The following PPP2R5A variants were observed in gnomAD, a reference collection of about 807,000 sequenced individuals.
The protein encoded by PPP2R5A is serine/threonine-protein phosphatase 2A 56 kDa regulatory subunit alpha isoform.
Under a neutral mutation model 64.2 loss-of-function variants are expected in PPP2R5A, and 25 were observed. That is an observed-to-expected ratio of 0.39 (90% confidence interval 0.28 to 0.54). PPP2R5A has a LOEUF of 0.54. Among genes scored for constraint, PPP2R5A ranks in the 20% least tolerant of loss-of-function variants. The pLI, the probability that PPP2R5A is intolerant of heterozygous loss-of-function variation, is 0.67. For synonymous variants in PPP2R5A, 198 were observed against 201.2 expected, an observed-to-expected ratio of 0.98 and a Z score of 0.13; for missense variants, 425 against 576.3, an observed-to-expected ratio of 0.74 and a Z score of 2.69.
In PPP2R5A at chr1:212,360,742, G is replaced by A. The variant is rs767872976; in HGVS notation, c.1433G>A (p.Ser478Asn). 6.3e-6 allele frequency: 10 copies of A among 1,576,204 alleles called. No individual in the cohort carries two copies. Among genetic ancestry groups the A allele is most frequent in the Admixed American group, 5.9e-5 (3 of 51,204 alleles). ...CAGAATAGTGCTTACAACATGCACA[G>A]TATTCTCAGCAATACAAGTGCCGAA... ...EKQNSAYNMH[S>N]ILSNTSAE Residue 478 changes from serine to asparagine, a missense_variant, in exon 13 of 13, where the codon AGT (serine) becomes AAT (asparagine). By Grantham distance (46) the Ser-to-Asn change is conservative. Around this residue, in one of 4 missense-constraint regions of PPP2R5A, gnomAD observed 177 missense variants for 244.8 expected, o/e 0.72. Transcript: ENST00000261461.
rs1475315719 is a variant in PPP2R5A, at chr1:212,329,184, G to T, written c.231G>T (p.Gln77His). 4 of 1,590,814 alleles carry T rather than the reference G, an allele frequency of 2.5e-6. No individual in the cohort carries two copies. Among genetic ancestry groups the T allele is most frequent in the Non-Finnish European group, 3.4e-6 (4 of 1,170,172 alleles). Residue 77 changes from glutamine to histidine, a missense_variant, in exon 2 of 13, where the codon CAG becomes CAT. Around this residue, in one of 4 missense-constraint regions of PPP2R5A, gnomAD observed 140 missense variants for 204.4 expected, o/e 0.68. Transcript: ENST00000261461. ...AGCTTTTCTGTCAGAAGTTGCAGCA[G>T]TGTTGTATACTGTTTGATTTCATGG... ...QQELFCQKLQ[Q>H]CCILFDFMDS... is the part of the protein sequence containing the mutation.
At chr1:212,316,358 A>G (rs906929313) in intron 1 of PPP2R5A, among the ~76,000 whole-genome samples, 7 of 152,200 alleles carry the variant, frequency 4.6e-5, no homozygotes, top group Non-Finnish European at 2.9e-5. Flanking sequence ...ATTTGGAGAA[A>G]GTTTGAGTGG....
chr1:212,360,611 A>G, intron 12 of PPP2R5A, 27 bp from the exon 13 acceptor site: 1 of 1,519,168 alleles, frequency 6.6e-7, no homozygotes, highest in South Asian at 1.2e-5. Flanking sequence ...ATAATTTCTG[A>G]TTACAAAAAT....
At chr1:212,309,753 G>A (rs957086411) in intron 1 of PPP2R5A, among the ~76,000 whole-genome samples, 2 of 151,942 alleles carry the variant, frequency 1.3e-5, no homozygotes, top group Non-Finnish European at 2.9e-5. Flanking sequence ...GCTTCCCTGG[G>A]CCACATTGGA....
At chr1:212,311,149 T>TA (rs1659022450) in intron 1 of PPP2R5A, among the ~76,000 whole-genome samples, 1 of 152,070 alleles carries the variant, frequency 6.6e-6, no homozygotes, top group Non-Finnish European at 1.5e-5. Flanking sequence ...GATGCCAGTG[T>TA]AAAAAAACCA....
At position 212,360,642 on chromosome 1, in the gene PPP2R5A, A is replaced by C; in HGVS notation, c.1333A>C (p.Lys445Gln). The change falls in exon 13 of 13, where the codon AAA (lysine) becomes CAA (glutamine). Residue 445 changes from lysine to glutamine, a missense_variant. By Grantham distance (53) the Lys-to-Gln change is moderately conservative (BLOSUM62 1). Coordinates refer to ENST00000261461, the MANE Select transcript of PPP2R5A (RefSeq NM_006243.4). ...AAAATTTTGGTTTATCTACAGAGAG[A>C]AAAAGAAGGAATTGGAACGTGAAGA... is the stretch of plus-strand genomic sequence containing the variant. ...SSYKAERQRE[K>Q]KKELEREELW... is the part of the protein sequence containing the mutation. The C allele has an allele frequency of 6.4e-7, 1 of 1,564,486 alleles. No homozygotes were observed. The highest frequency in any genetic ancestry group is 8.6e-7 in the Non-Finnish European group (1 of 1,160,596).
intron 3 of PPP2R5A, among the ~76,000 whole-genome samples, chr1:212,339,792 C>A (rs1659655543): frequency 6.6e-6 from 1 of 151,992 alleles, no homozygotes; most frequent in South Asian, 2.1e-4. Flanking sequence ...ACTATTAAGC[C>A]TTAAACCCTA....
intron 1 of PPP2R5A, among the ~76,000 whole-genome samples, chr1:212,323,022 G>C: frequency 6.6e-6 from 1 of 152,122 alleles, no homozygotes; most frequent in East Asian, 1.9e-4. Context: ...TCCTGACCTC[G>C]TGATCTGCCC....
intron 8 of PPP2R5A, among the ~76,000 whole-genome samples, chr1:212,350,673 G>GTAA: frequency 6.6e-6 from 1 of 151,378 alleles, no homozygotes; most frequent in Non-Finnish European, 1.5e-5. Context: ...AAAGAAAAAA[G>GTAA]TAAAACCTTA....
rs999883241 is a variant in PPP2R5A at position 212,339,537 on chromosome 1, A to G, written c.481-2651A>G. On this transcript the variant is annotated intron_variant, in intron 3 of 12. Coordinates refer to ENST00000261461, the MANE Select transcript of PPP2R5A (RefSeq NM_006243.4). ...TCTTTAGTGGTGCTAAGTTGGCGGC[A>G]TAACAGCATTTTGCTGCTAATTTTG... Among the ~76,000 whole-genome samples, 22 of 152,332 alleles carry G rather than the reference A, an allele frequency of 1.4e-4. No homozygotes were observed. The East Asian group carries it at 4.0e-3, about 28-fold the overall frequency.
intron 1 of PPP2R5A, among the ~76,000 whole-genome samples, chr1:212,301,168 G>A (rs946551798): frequency 1.3e-5 from 2 of 152,052 alleles, no homozygotes; most frequent in African/African-American, 4.8e-5. Context: ...GAGCCACCAC[G>A]CCTGGCTAAT....
At chr1:212,318,584 G>C (rs1289283832) in intron 1 of PPP2R5A, among the ~76,000 whole-genome samples, 4 of 152,192 alleles carry the variant, frequency 2.6e-5, no homozygotes, top group Non-Finnish European at 5.9e-5. Context: ...GGTATACCAT[G>C]ATAGTAGATA....
At position 212,329,318 on chromosome 1, in the gene PPP2R5A, A is replaced by G. The variant is rs1237499018; in HGVS notation, c.365A>G (p.Asp122Gly). 6.3e-7 allele frequency: 1 copy of G among 1,593,850 alleles called. No individual in the cohort carries two copies. The highest frequency in any genetic ancestry group is 1.4e-5 in the African/African-American group (1 of 74,020). ...RGVIVESAYS[D>G]IVKMISANIF... is the part of the protein sequence containing the mutation. ...GTAATTGTTGAATCAGCGTATTCTG[A>G]TATAGTAAAAATGGTAAGCCTCTAG... is the stretch of plus-strand genomic sequence containing the variant. Residue 122 changes from aspartate (D) to glycine (G), a missense_variant, in exon 2 of 13, where the codon GAT becomes GGT. Transcript: ENST00000261461.
intron 1 of PPP2R5A, among the ~76,000 whole-genome samples, chr1:212,324,281 C>T (rs551754669): frequency 6.6e-6 from 1 of 152,192 alleles, no homozygotes; most frequent in South Asian, 2.1e-4. Flanking sequence ...ATACTGTAGG[C>T]AGTTTGCAAA....
rs1008979021 is a variant in PPP2R5A at position 212,361,366 on chromosome 1, T to G, written c.*596T>G. The G allele has an allele frequency of 6.6e-6, 1 of 152,664 alleles. No individual in the cohort carries two copies. The highest frequency in any genetic ancestry group is 1.5e-5 in the Non-Finnish European group (1 of 68,058). 9.5% of individuals were successfully genotyped at this position (152,664 alleles called of 1,614,324 possible). On this transcript the variant is annotated 3_prime_UTR_variant, in exon 13 of 13. Coordinates refer to ENST00000261461, the MANE Select transcript of PPP2R5A (RefSeq NM_006243.4). ...TAAAGCACAAAATATAAATAAAAGC[T>G]GGGAAAGTAAACCAAAATTCTTCAG...
At chr1:212,321,570 C>T (rs1467426616) in intron 1 of PPP2R5A, among the ~76,000 whole-genome samples, 26 of 147,616 alleles carry the variant, frequency 1.8e-4, no homozygotes, top group African/African-American at 6.5e-4. Flanking sequence ...CGGGCAGAGA[C>T]GCTCCTCACA....
At chr1:212,346,777 T>C (rs1470363608) in intron 5 of PPP2R5A, among the ~76,000 whole-genome samples, 5 of 152,192 alleles carry the variant, frequency 3.3e-5, no homozygotes, top group African/African-American at 4.8e-5. Flanking sequence ...TATTCCCACA[T>C]TGCAACAATT....
intron 1 of PPP2R5A, among the ~76,000 whole-genome samples, chr1:212,305,655 C>T (rs999643764): frequency 2.0e-5 from 3 of 152,070 alleles, no homozygotes; most frequent in Admixed American, 6.6e-5. Context: ...AAGGCTTCAA[C>T]TATCATTGCT....
chr1:212,329,195 T>G lies in PPP2R5A; in HGVS notation c.242T>G (p.Leu81Arg). 6.2e-7 allele frequency: 1 copy of G among 1,612,926 alleles called. No homozygotes were observed. Among genetic ancestry groups the G allele is most frequent in the Non-Finnish European group, 8.5e-7 (1 of 1,179,546 alleles). Residue 81 changes from leucine to arginine, a missense_variant, in exon 2 of 13, where the codon CTG becomes CGG. By Grantham distance (102) the Leu-to-Arg change is moderately radical. This residue lies in a region of PPP2R5A where 140 missense variants were observed against 204.4 expected (regional missense o/e 0.68). Coordinates refer to ENST00000261461, the MANE Select transcript of PPP2R5A (RefSeq NM_006243.4). ...FCQKLQQCCI[L>R]FDFMDSVSDL... ...CAGAAGTTGCAGCAGTGTTGTATAC[T>G]GTTTGATTTCATGGACTCTGTTTCA...
Sources: gnomAD v4.1 joint callset for allele counts (sites outside exome capture counted in the v4.1 genomes callset) on GRCh38, gnomAD v4.1.1 for gene constraint, gnomAD v4.1.1 regional missense constraint, MANE v1.5 for transcripts, NCBI Gene and HGNC (gene_info 2026-07-23, HGNC 2026-07-21) for gene names.